The following CTNNA3 variants were observed in gnomAD, a reference collection of about 807,000 sequenced individuals.
CTNNA3 encodes the protein catenin alpha 3.
Under a neutral mutation model 95.7 loss-of-function variants are expected in CTNNA3, and 76 were observed. The observed-to-expected ratio is 0.79, with a 90% CI of 0.66 to 0.96. The LOEUF (loss-of-function observed/expected upper bound fraction) is 0.96, where lower values mean the gene tolerates loss of function less well. Among genes scored for constraint, CTNNA3 ranks in the 40% least tolerant of loss-of-function variants. The pLI is 0.00. For missense variants in CTNNA3, 1,191 were observed against 1,089.8 expected (o/e 1.09, Z -1.31); for synonymous variants, 431 against 374.4 (o/e 1.15, Z -1.74).
chr10:66,765,911 G>A (rs1839828538), intron 9 of CTNNA3, among the ~76,000 whole-genome samples: 1 of 152,124 alleles, frequency 6.6e-6, no homozygotes, highest in Non-Finnish European at 1.5e-5. Flanking sequence ...GGCTGACAGA[G>A]TAATGCAGCT....
intron 5 of CTNNA3, among the ~76,000 whole-genome samples, chr10:67,476,123 G>C (rs1224279399): frequency 1.3e-5 from 2 of 152,178 alleles, no homozygotes; most frequent in Non-Finnish European, 2.9e-5. Flanking sequence ...TGAAATTGAG[G>C]CTCAGGTGGC....
At chr10:66,183,901 T>C (rs533632033) in intron 13 of CTNNA3, among the ~76,000 whole-genome samples, 1 of 152,338 alleles carries the variant, frequency 6.6e-6, no homozygotes, top group Non-Finnish European at 1.5e-5. Flanking sequence ...TTTGCTTGTC[T>C]TTTTACCTTA....
intron 10 of CTNNA3, among the ~76,000 whole-genome samples, chr10:66,597,964 C>T (rs1843782794): frequency 6.6e-6 from 1 of 151,850 alleles, no homozygotes; most frequent in South Asian, 2.1e-4. Context: ...CTATTAGACA[C>T]CGTTAGAAAA....
At chr10:65,949,679 G>A (rs2077578178) in intron 17 of CTNNA3, among the ~76,000 whole-genome samples, 1 of 152,168 alleles carries the variant, frequency 6.6e-6, no homozygotes, top group Non-Finnish European at 1.5e-5. Context: ...TTGTACAGCA[G>A]AGTTGGTTCC....
chr10:67,325,048 GAT>G (rs1218618515), intron 5 of CTNNA3, among the ~76,000 whole-genome samples: 30 of 152,056 alleles, frequency 2.0e-4, no homozygotes, highest in African/African-American at 7.0e-4. Flanking sequence ...AATACTCTCT[GAT>G]TGTTATTTGT....
At chr10:66,515,169 C>T (rs567540684) in intron 11 of CTNNA3, among the ~76,000 whole-genome samples, 1 of 151,096 alleles carries the variant, frequency 6.6e-6, no homozygotes, top group South Asian at 2.1e-4. Context: ...TTTGTATTTA[C>T]ATTTTAATGT....
intron 7 of CTNNA3, among the ~76,000 whole-genome samples, chr10:67,034,677 G>A (rs111773330): frequency 0.014 from 2,119 of 152,158 alleles, 59 homozygotes; most frequent in African/African-American, 0.048. Context: ...TTTCTCAAAC[G>A]AACTTATTTA....
chr10:66,207,517 C>G (rs1402643241), intron 13 of CTNNA3, among the ~76,000 whole-genome samples: 1 of 152,024 alleles, frequency 6.6e-6, no homozygotes, highest in Non-Finnish European at 1.5e-5. Flanking sequence ...CAAGCATTAT[C>G]CATGTCTTAG....
At chr10:66,672,129 A>G (rs1210037699) in intron 9 of CTNNA3, among the ~76,000 whole-genome samples, 1 of 152,106 alleles carries the variant, frequency 6.6e-6, no homozygotes, top group Non-Finnish European at 1.5e-5. Flanking sequence ...AAGAGTCCCT[A>G]CAGAACTCCA....
chr10:66,665,981 C>T (rs1846438425), intron 9 of CTNNA3, among the ~76,000 whole-genome samples: 1 of 152,080 alleles, frequency 6.6e-6, no homozygotes, highest in African/African-American at 2.4e-5. Flanking sequence ...ACGAAGTTTT[C>T]CTACTATAAA....
chr10:66,856,585 T>G (rs1475582004), intron 7 of CTNNA3, among the ~76,000 whole-genome samples: 1 of 152,098 alleles, frequency 6.6e-6, no homozygotes, highest in African/African-American at 2.4e-5. Flanking sequence ...TTTTTACTTT[T>G]TAAATAATAG....
At chr10:66,355,106 G>A (rs945200046) in intron 12 of CTNNA3, among the ~76,000 whole-genome samples, 4 of 152,032 alleles carry the variant, frequency 2.6e-5, no homozygotes, top group African/African-American at 4.8e-5. Flanking sequence ...ACATACCTGA[G>A]AGTCATGACA....
At chr10:66,043,433 A>G (rs769947161) in intron 15 of CTNNA3, among the ~76,000 whole-genome samples, 15 of 152,144 alleles carry the variant, frequency 9.9e-5, no homozygotes, top group Non-Finnish European at 1.9e-4. Flanking sequence ...CTTTGTAGCT[A>G]TATTAAATGA....
At chr10:66,983,259 C>G (rs557786202) in intron 7 of CTNNA3, among the ~76,000 whole-genome samples, 10 of 152,240 alleles carry the variant, frequency 6.6e-5, no homozygotes, top group Non-Finnish European at 1.0e-4. Context: ...CTAGCCCCCT[C>G]CCAGCCATGT....
rs528950164 is a variant in CTNNA3 at position 66,724,453 on chromosome 10, C to A, written c.1281+41811G>T. On this transcript the variant is annotated intron_variant, in intron 9 of 17. Coordinates refer to ENST00000433211, the MANE Select transcript of CTNNA3 (RefSeq NM_013266.4). ...AAGAGGAACAGCAGGCTAATCATAG[C>A]TCATTTATATTTGGCCCTGGAATGT... 6.6e-5 allele frequency among the ~76,000 whole-genome samples: 10 copies of A among 152,230 alleles called. No individual in the cohort carries two copies. The East Asian group carries it at 1.7e-3, about 26-fold the overall frequency.
At chr10:65,946,257 A>C (rs1455260466) in intron 17 of CTNNA3, among the ~76,000 whole-genome samples, 1 of 152,190 alleles carries the variant, frequency 6.6e-6, no homozygotes, top group Non-Finnish European at 1.5e-5. Flanking sequence ...TTCATGTACT[A>C]TACAGGCATA....
rs537719114 is a variant in CTNNA3, at chr10:66,167,859, C to T, written c.1885-64610G>A. 1.2e-4 allele frequency among the ~76,000 whole-genome samples: 18 copies of T among 152,312 alleles called. 1 individual carries two copies. The South Asian group carries it at 3.5e-3, about 30-fold the overall frequency. On this transcript the variant is annotated intron_variant, in intron 13 of 17. Coordinates refer to ENST00000433211, the MANE Select transcript of CTNNA3 (RefSeq NM_013266.4). Reference sequence around the variant, plus strand: ...CTGAGGAGTCCCAAGGCACAGGTAGCCACCAGAGGCATCAAGTGTGTCCAG... The same window carrying T: ...CTGAGGAGTCCCAAGGCACAGGTAGTCACCAGAGGCATCAAGTGTGTCCAG...
At chr10:67,109,700 G>A (rs1023802430) in intron 7 of CTNNA3, among the ~76,000 whole-genome samples, 2 of 152,084 alleles carry the variant, frequency 1.3e-5, no homozygotes, top group Non-Finnish European at 2.9e-5. Context: ...AAAATTGGCT[G>A]GGCGCAGTGG....
chr10:66,014,995 C>G (rs1263765153), intron 15 of CTNNA3, among the ~76,000 whole-genome samples: 1 of 151,952 alleles, frequency 6.6e-6, no homozygotes, highest in East Asian at 1.9e-4. Flanking sequence ...CCCAGCTACT[C>G]AGGAGGCTGA....
Sources: gnomAD v4.1 joint callset for allele counts (sites outside exome capture counted in the v4.1 genomes callset) on GRCh38, gnomAD v4.1.1 for gene constraint, MANE v1.5 for transcripts, NCBI Gene and HGNC (gene_info 2026-07-23, HGNC 2026-07-21) for gene names.